Variants in MTMR7 observed in about 807,000 individuals in gnomAD.
MTMR7 encodes the protein myotubularin related protein 7.
In MTMR7, 76 loss-of-function variants were observed where a neutral mutation model predicts 81.2. The observed-to-expected ratio is 0.94, with a 90% CI of 0.78 to 1.13. The LOEUF (loss-of-function observed/expected upper bound fraction) is 1.13. Among genes scored for constraint, MTMR7 ranks in the 50% most tolerant of loss-of-function variants. The pLI is 0.00. For synonymous variants in MTMR7, 372 were observed against 289.8 expected (o/e 1.28, Z -2.88); for missense variants, 1,044 against 820.0 (o/e 1.27, Z -3.34).
At chr8:17,311,318 T>C (rs960274094) in intron 9 of MTMR7, among the ~76,000 whole-genome samples, 193 bp downstream of exon 9, 1 of 152,170 alleles carries the variant, frequency 6.6e-6, no homozygotes, top group Non-Finnish European at 1.5e-5. Context: ...CAGAAATTCA[T>C]CTCTTTATTC....
intron 1 of MTMR7, among the ~76,000 whole-genome samples, chr8:17,403,370 G>A (rs185527952): frequency 1.4e-3 from 210 of 152,190 alleles, no homozygotes; most frequent in African/African-American, 4.4e-3. Flanking sequence ...CACTATTTTC[G>A]AAAACAAGTC....
chr8:17,404,081 A>T (rs1306050879), intron 1 of MTMR7, among the ~76,000 whole-genome samples: 1 of 152,200 alleles, frequency 6.6e-6, no homozygotes, highest in Non-Finnish European at 1.5e-5. Context: ...CCCACGAAAG[A>T]AGTCCAAGCT....
At chr8:17,339,109 A>T (rs1325302990) in intron 6 of MTMR7, 1 of 152,240 alleles carries the variant, frequency 6.6e-6, no homozygotes, top group Non-Finnish European at 1.5e-5. Context: ...GATAGGATGC[A>T]GTTCTCGTGA....
intron 10 of MTMR7, among the ~76,000 whole-genome samples, chr8:17,309,046 C>G (rs1449106370): frequency 6.6e-6 from 1 of 152,218 alleles, no homozygotes; most frequent in Non-Finnish European, 1.5e-5. Flanking sequence ...CAAGCATTCT[C>G]TGTCTCTTCT....
At chr8:17,348,568 ACG>A (rs373500039) in intron 5 of MTMR7, among the ~76,000 whole-genome samples, 7 of 125,768 alleles carry the variant, frequency 5.6e-5, no homozygotes, top group African/African-American at 1.5e-4. Context: ...AAAAAAAAAA[ACG>A]TAATAGAGAA....
At chr8:17,410,280 AT>A (rs1254139953) in intron 1 of MTMR7, among the ~76,000 whole-genome samples, 1 of 152,186 alleles carries the variant, frequency 6.6e-6, no homozygotes, top group Admixed American at 6.5e-5. Context: ...TGTGGGAAAA[AT>A]GCCTTCCAGA....
At chr8:17,302,118 C>T (rs1476760450) in intron 13 of MTMR7, 36 bp downstream of exon 13, 10 of 1,613,210 alleles carry the variant, frequency 6.2e-6, no homozygotes, top group South Asian at 4.4e-5. Flanking sequence ...AAGAAATAAG[C>T]ACAGAAAATA....
Position 17,311,525 on chromosome 8 carries a change from G to C in MTMR7, c.1087C>G (p.Leu363Val), listed in dbSNP as rs1586157023. 6.2e-7 allele frequency: 1 copy of C among 1,614,154 alleles called. No individual in the cohort carries two copies. The highest frequency in any genetic ancestry group is 8.5e-7 in the Non-Finnish European group (1 of 1,180,028). Residue 363 changes from leucine to valine, a missense_variant, in exon 9 of 14, where the codon CTG (leucine) becomes GTG (valine). Coordinates refer to ENST00000180173, the MANE Select transcript of MTMR7 (RefSeq NM_004686.5). ...SLLLDPHYRT[L>V]KGFMVLIEKD... Reference sequence around the variant, plus strand: ...GCCACACTCACCATGAAGCCCTTCAGAGTCCGGTAGTGAGGGTCCAGCAGC... The same window carrying C: ...GCCACACTCACCATGAAGCCCTTCACAGTCCGGTAGTGAGGGTCCAGCAGC...
chr8:17,322,909 A>G (rs1349085740), intron 7 of MTMR7, among the ~76,000 whole-genome samples: 1 of 150,638 alleles, frequency 6.6e-6, no homozygotes, highest in East Asian at 1.9e-4. Flanking sequence ...TTTCATCTTA[A>G]TGAACCTTCA....
intron 3 of MTMR7, among the ~76,000 whole-genome samples, chr8:17,363,040 T>TA (rs1212339786): frequency 6.6e-5 from 10 of 152,338 alleles, no homozygotes; most frequent in East Asian, 3.9e-4. Context: ...CTTCAAAACT[T>TA]AGAGTACGGA....
At chr8:17,325,449 C>T (rs1818632969) in intron 7 of MTMR7, among the ~76,000 whole-genome samples, 1 of 152,192 alleles carries the variant, frequency 6.6e-6, no homozygotes, top group Non-Finnish European at 1.5e-5. Context: ...ACAGTCAATG[C>T]CCATCATGTC....
chr8:17,372,938 T>G, intron 2 of MTMR7, 180 bp downstream of exon 2: 1 of 618,884 alleles, frequency 1.6e-6, no homozygotes, highest in South Asian at 2.3e-5. Flanking sequence ...TTAAAATGAA[T>G]AGTCGATCAA....
intron 1 of MTMR7, among the ~76,000 whole-genome samples, chr8:17,383,656 C>T (rs1017596213): frequency 6.6e-6 from 1 of 152,234 alleles, no homozygotes; most frequent in African/African-American, 2.4e-5. Flanking sequence ...ATATGTTTAA[C>T]AAGTTAAATG....
In MTMR7 at chr8:17,299,577, A is replaced by T. The variant is rs1484005198; in HGVS notation, c.*285T>A. On this transcript the variant is annotated 3_prime_UTR_variant, in exon 14 of 14. Coordinates refer to ENST00000180173, the MANE Select transcript of MTMR7 (RefSeq NM_004686.5). ...AAGGAAGATAGATACTGATCACTTC[A>T]GGTAATGACAGAAGTAATTGCTCTG... is the stretch of plus-strand genomic sequence containing the variant. 3.0e-5 allele frequency: 11 copies of T among 368,144 alleles called. No homozygotes were observed. The highest frequency in any genetic ancestry group is 5.0e-5 in the Non-Finnish European group (10 of 200,588). The allele number at this position is 368,144 out of a possible 1,614,324, so 22.8% of individuals were successfully genotyped here.
chr8:17,350,398 C>T (rs149649539), intron 4 of MTMR7, among the ~76,000 whole-genome samples: 417 of 152,308 alleles, frequency 2.7e-3, no homozygotes, highest in African/African-American at 9.7e-3. Context: ...GCACGTCTTA[C>T]GTGGTAGCAG....
chr8:17,354,086 C>A (rs1220092127), intron 4 of MTMR7, among the ~76,000 whole-genome samples: 1 of 152,176 alleles, frequency 6.6e-6, no homozygotes, highest in African/African-American at 2.4e-5. Context: ...TGTCACTCAG[C>A]CCTCCAAGGA....
intron 4 of MTMR7, among the ~76,000 whole-genome samples, chr8:17,354,625 C>T (rs746640347): frequency 3.9e-5 from 6 of 152,070 alleles, no homozygotes; most frequent in African/African-American, 1.4e-4. Context: ...TTTCCACCAT[C>T]GACAATTGTT....
At chr8:17,360,149 T>G (rs750936752) in intron 4 of MTMR7, among the ~76,000 whole-genome samples, 1 of 152,172 alleles carries the variant, frequency 6.6e-6, no homozygotes, top group Non-Finnish European at 1.5e-5. Flanking sequence ...TCACAATATG[T>G]ATGTGAAGAA....
intron 4 of MTMR7, among the ~76,000 whole-genome samples, chr8:17,351,558 G>A (rs745506579): frequency 6.6e-6 from 1 of 152,228 alleles, no homozygotes; most frequent in Non-Finnish European, 1.5e-5. Flanking sequence ...TTGATGGCTT[G>A]GCATGTGCCA....
Sources: gnomAD v4.1 joint callset for allele counts (sites outside exome capture counted in the v4.1 genomes callset) on GRCh38, gnomAD v4.1.1 for gene constraint, MANE v1.5 for transcripts, NCBI Gene and HGNC (gene_info 2026-07-23, HGNC 2026-07-21) for gene names.